Variants in ADARB2 observed in about 807,000 individuals in gnomAD.
ADARB2 encodes the protein adenosine deaminase RNA specific B2 (inactive), also known as inactive double-stranded RNA-specific editase B2.
ADARB2 carries 25 observed loss-of-function variants against 62.2 expected under a neutral mutation model. The ratio of observed to expected loss-of-function variants is 0.40; its 90% CI spans 0.29 to 0.56. The LOEUF (loss-of-function observed/expected upper bound fraction) is 0.56, where lower values mean the gene tolerates loss of function less well. Among genes scored for constraint, ADARB2 ranks in the 20% least tolerant of loss-of-function variants. The pLI is 0.43. For synonymous variants in ADARB2, 572 were observed against 500.8 expected (o/e 1.14, Z -1.90); for missense variants, 1,071 against 1,077.4 (o/e 0.99, Z 0.08).
chr10:1,657,058 AG>A (rs1834181392), intron 1 of ADARB2, among the ~76,000 whole-genome samples: 2 of 151,928 alleles, frequency 1.3e-5, no homozygotes, highest in Non-Finnish European at 2.9e-5. Flanking sequence ...CATAAAACTT[AG>A]GGTTTCTGAT....
At chr10:1,375,767 C>T (rs547839687) in intron 2 of ADARB2, among the ~76,000 whole-genome samples, 9 of 151,226 alleles carry the variant, frequency 6.0e-5, no homozygotes, top group Admixed American at 2.0e-4. Context: ...CATGCACACA[C>T]GCACACATGT....
At chr10:1,406,389 G>A (rs1001441232) in intron 1 of ADARB2, among the ~76,000 whole-genome samples, 6 of 152,074 alleles carry the variant, frequency 3.9e-5, no homozygotes, top group South Asian at 2.1e-4. Flanking sequence ...GTGTGGGCTC[G>A]GTACCCGGGA....
chr10:1,381,951 C>T (rs1832487339), intron 1 of ADARB2, among the ~76,000 whole-genome samples: 1 of 152,112 alleles, frequency 6.6e-6, no homozygotes, highest in South Asian at 2.1e-4. Context: ...TGGCTAATAA[C>T]ATGTATTGCC....
intron 1 of ADARB2, among the ~76,000 whole-genome samples, chr10:1,672,445 A>G (rs956048845): frequency 6.6e-6 from 1 of 152,164 alleles, no homozygotes; most frequent in Non-Finnish European, 1.5e-5. Context: ...GGGCATACTG[A>G]GAAGGAAAAC....
chr10:1,591,308 T>C (rs931540395), intron 1 of ADARB2, among the ~76,000 whole-genome samples: 1 of 152,192 alleles, frequency 6.6e-6, no homozygotes, highest in African/African-American at 2.4e-5. Context: ...CGCGAGGGCG[T>C]GCCATCCCCT....
At chr10:1,598,616 A>T (rs1478983713) in intron 1 of ADARB2, among the ~76,000 whole-genome samples, 1 of 152,090 alleles carries the variant, frequency 6.6e-6, no homozygotes, top group Non-Finnish European at 1.5e-5. Flanking sequence ...ACAATTCCGG[A>T]AGATCCTGAC....
intron 1 of ADARB2, among the ~76,000 whole-genome samples, chr10:1,701,726 T>C (rs375573908): frequency 6.8e-4 from 22 of 32,318 alleles, no homozygotes; most frequent in Admixed American, 2.6e-3. Flanking sequence ...CACTCGCCAA[T>C]ACACGCAATC....
chr10:1,704,340 C>T lies in ADARB2; in HGVS notation c.100+32711G>A, dbSNP rs1834860678. On this transcript the variant is annotated intron_variant, in intron 1 of 9. Coordinates refer to ENST00000381312, the MANE Select transcript of ADARB2 (RefSeq NM_018702.4). The surrounding 1 kb of genome is among the most constrained non-coding windows in gnomAD (Gnocchi z 5.6). The stretch of plus-strand genomic sequence containing the variant: ...CAGTGGGAGTCCTGAGCTTGTTTTC[C>T]TGCAACTCGATGGCCCCACCTGGGG... Among the ~76,000 whole-genome samples the T allele has an allele frequency of 6.6e-6, 1 of 152,146 alleles. No individual in the cohort carries two copies. The highest frequency in any genetic ancestry group is 1.5e-5 in the Non-Finnish European group (1 of 68,024).
intron 1 of ADARB2, among the ~76,000 whole-genome samples, chr10:1,708,110 T>G (rs951629893): frequency 2.2e-4 from 33 of 152,230 alleles, no homozygotes; most frequent in African/African-American, 6.8e-4. Context: ...CAGCTCTGTC[T>G]GGGGCTCTGC....
chr10:1,326,209 T>A (rs1473568676), intron 3 of ADARB2, among the ~76,000 whole-genome samples: 1 of 152,236 alleles, frequency 6.6e-6, no homozygotes, highest in Non-Finnish European at 1.5e-5. Context: ...AGCTTTACTG[T>A]GCTGCTAGGA....
intron 1 of ADARB2, among the ~76,000 whole-genome samples, chr10:1,714,196 G>T (rs1315958402): frequency 1.3e-5 from 2 of 152,220 alleles, no homozygotes; most frequent in African/African-American, 2.4e-5. Context: ...TGTTCCACAT[G>T]AATTTTGCAC....
At chr10:1,382,497 A>G (rs1180913436) in intron 1 of ADARB2, among the ~76,000 whole-genome samples, 1 of 152,206 alleles carries the variant, frequency 6.6e-6, no homozygotes, top group Non-Finnish European at 1.5e-5. Context: ...TTTAATATAG[A>G]AAAAGTACAA....
At chr10:1,414,387 C>T (rs1017388298) in intron 1 of ADARB2, among the ~76,000 whole-genome samples, 3 of 152,176 alleles carry the variant, frequency 2.0e-5, no homozygotes, top group African/African-American at 7.2e-5. Context: ...CCTGACGTAC[C>T]GTAATCTAAG....
intron 2 of ADARB2, among the ~76,000 whole-genome samples, chr10:1,376,326 ATAACT>A (rs1832429138): frequency 6.6e-6 from 1 of 152,250 alleles, no homozygotes; most frequent in Non-Finnish European, 1.5e-5. Context: ...ACTACCATAA[ATAACT>A]TAAAGTTATT....
At chr10:1,348,691 C>A (rs1832105185) in intron 3 of ADARB2, among the ~76,000 whole-genome samples, 1 of 152,172 alleles carries the variant, frequency 6.6e-6, no homozygotes, top group Non-Finnish European at 1.5e-5. Flanking sequence ...TGTGAAGGCC[C>A]CGAGATGGGG....
intron 3 of ADARB2, among the ~76,000 whole-genome samples, chr10:1,295,016 C>T (rs1335405904): frequency 1.3e-5 from 2 of 152,234 alleles, no homozygotes; most frequent in African/African-American, 2.4e-5. Flanking sequence ...AAGCAGCTGG[C>T]TTCTGCGGGA....
At chr10:1,413,731 C>G (rs1008925338) in intron 1 of ADARB2, among the ~76,000 whole-genome samples, 2 of 152,208 alleles carry the variant, frequency 1.3e-5, no homozygotes, top group Non-Finnish European at 2.9e-5. Context: ...ATCTTACAGA[C>G]TGAGCGCTGA....
intron 3 of ADARB2, among the ~76,000 whole-genome samples, chr10:1,293,615 A>C (rs1831497626): frequency 6.6e-6 from 1 of 152,104 alleles, no homozygotes. Flanking sequence ...TAAAACCAAA[A>C]CTAATTTATT....
At chr10:1,548,407 C>T (rs1246194175) in intron 1 of ADARB2, among the ~76,000 whole-genome samples, 1 of 152,230 alleles carries the variant, frequency 6.6e-6, no homozygotes, top group African/African-American at 2.4e-5. Flanking sequence ...GAGTACAGAG[C>T]CTGAGGGGGG....
Sources: gnomAD v4.1 joint callset for allele counts (sites outside exome capture counted in the v4.1 genomes callset) on GRCh38, gnomAD v4.1.1 for gene constraint, Gnocchi (gnomAD v3.1) non-coding constraint, MANE v1.5 for transcripts, NCBI Gene and HGNC (gene_info 2026-07-23, HGNC 2026-07-21) for gene names.